Variants in GLRA3 observed in about 807,000 individuals in gnomAD.
GLRA3 encodes the protein glycine receptor alpha 3, also known as glycine receptor subunit alpha-3.
In GLRA3, 44 loss-of-function variants were observed where a neutral mutation model predicts 60.4. The ratio of observed to expected loss-of-function variants is 0.73; its 90% CI spans 0.57 to 0.94. The LOEUF (loss-of-function observed/expected upper bound fraction) is 0.94. Ranked by LOEUF, GLRA3 falls within the 40% of genes least tolerant of loss-of-function variation. The pLI, the probability that GLRA3 is intolerant of heterozygous loss-of-function variation, is 0.00. For synonymous variants in GLRA3, 223 were observed against 192.9 expected, an observed-to-expected ratio of 1.16 and a Z score of -1.29; for missense variants, 508 against 564.6, an observed-to-expected ratio of 0.90 and a Z score of 1.02.
At chr4:174,733,835 T>G (rs1258726906) in intron 3 of GLRA3, among the ~76,000 whole-genome samples, 1 of 152,200 alleles carries the variant, frequency 6.6e-6, no homozygotes, top group Non-Finnish European at 1.5e-5. Context: ...ACTGTGTTTT[T>G]TCCTGAGTCT....
chr4:174,825,297 G>A (rs1216487737), intron 1 of GLRA3, among the ~76,000 whole-genome samples: 1 of 151,894 alleles, frequency 6.6e-6, no homozygotes, highest in Non-Finnish European at 1.5e-5. Context: ...ACATTAAAAA[G>A]GATTCCTCTC....
chr4:174,698,126 A>T (rs1253786522), intron 5 of GLRA3, among the ~76,000 whole-genome samples: 3 of 152,154 alleles, frequency 2.0e-5, no homozygotes, highest in African/African-American at 7.2e-5. Context: ...AAGTTGTGTA[A>T]TGTTTTGAAT....
At chr4:174,700,929 CA>C (rs1198187842) in intron 5 of GLRA3, among the ~76,000 whole-genome samples, 2 of 152,130 alleles carry the variant, frequency 1.3e-5, no homozygotes, top group African/African-American at 4.8e-5. Context: ...GAGGATTAAG[CA>C]AAGAAGCCCT....
At chr4:174,763,644 G>C (rs139965806) in intron 3 of GLRA3, among the ~76,000 whole-genome samples, 67 of 152,212 alleles carry the variant, frequency 4.4e-4, no homozygotes, top group Admixed American at 9.8e-4. Context: ...TCATAGGTTT[G>C]CAGGAGCACA....
chr4:174,643,976 C>A lies in GLRA3; in HGVS notation c.1205G>T (p.Gly402Val), dbSNP rs768235434. The A allele has an allele frequency of 1.1e-5, 18 of 1,613,732 alleles. 1 individual carries two copies. In the South Asian group the frequency reaches 2.0e-4, roughly 18 times the overall value. The change falls in exon 10 of 10, where the codon GGC becomes GTC. Residue 402 changes from glycine to valine, a missense_variant. Physicochemically the swap from Gly to Val is moderately radical, Grantham distance 109 (BLOSUM62 -3). Around this residue, in one of 3 missense-constraint regions of GLRA3, gnomAD observed 176 missense variants for 197.9 expected, o/e 0.89. Transcript: ENST00000274093. Reference protein sequence around the residue: ...LQAKDGMTPKGPNHPVQVMPK... With the variant: ...LQAKDGMTPKVPNHPVQVMPK... ...CATTACCTGGACAGGGTGGTTGGGG[C>A]CCTTTGGAGTCATGCCATCCTTTGC...
intron 1 of GLRA3, among the ~76,000 whole-genome samples, chr4:174,799,773 G>T (rs1739734193): frequency 6.6e-6 from 1 of 152,010 alleles, no homozygotes; most frequent in South Asian, 2.1e-4. Flanking sequence ...CATCATTTTG[G>T]GAGGAAGAAT....
chr4:174,730,295 T>C (rs150652776), intron 3 of GLRA3, among the ~76,000 whole-genome samples: 230 of 152,256 alleles, frequency 1.5e-3, no homozygotes, highest in Middle Eastern at 0.01. Context: ...CAGTTCTTGT[T>C]TCCTTCGCCA....
Position 174,718,384 on chromosome 4 carries a change from A to T in GLRA3, c.492-2814T>A, listed in dbSNP as rs377258751. ...AAGTTCTCTTTCTGAGACAAGATAC[A>T]TAAACAGGATATGGCGTTTCTTCTT... On this transcript the variant is annotated intron_variant, in intron 4 of 9. Transcript: ENST00000274093. 1.3e-3 allele frequency among the ~76,000 whole-genome samples: 199 copies of T among 152,372 alleles called. 6 individuals are homozygous for T. The South Asian group carries it at 0.04, about 31-fold the overall frequency.
chr4:174,770,822 A>G (rs967496744), intron 2 of GLRA3, among the ~76,000 whole-genome samples: 1 of 151,908 alleles, frequency 6.6e-6, no homozygotes, highest in Non-Finnish European at 1.5e-5. Flanking sequence ...ATGTGCCACT[A>G]TGTGGGAGAG....
At chr4:174,748,208 G>T (rs1433998663) in intron 3 of GLRA3, among the ~76,000 whole-genome samples, 1 of 152,158 alleles carries the variant, frequency 6.6e-6, no homozygotes. Context: ...ACCAGAGATG[G>T]TTGAATTAGA....
intron 7 of GLRA3, among the ~76,000 whole-genome samples, chr4:174,662,858 G>C (rs1425945626): frequency 9.7e-6 from 1 of 102,974 alleles, no homozygotes; most frequent in Admixed American, 1.1e-4. Flanking sequence ...TTTCCTGTTT[G>C]TAATGTGAAC....
Position 174,767,039 on chromosome 4 carries a change from G to T in GLRA3, c.200-9C>A, listed in dbSNP as rs750004341. 1 of 1,552,418 alleles carries T rather than the reference G, an allele frequency of 6.4e-7. No homozygotes were observed. On this transcript the variant is annotated splice_polypyrimidine_tract_variant and intron_variant, in intron 2 of 9. Coordinates refer to ENST00000274093, the MANE Select transcript of GLRA3 (RefSeq NM_006529.4). Reference sequence around the variant, plus strand: ...GACATTAACTGGAGGGCCTGAAAAAGAGATGAAAACATAAGGGCTGTTTAG... The same window carrying T: ...GACATTAACTGGAGGGCCTGAAAAATAGATGAAAACATAAGGGCTGTTTAG...
chr4:174,665,237 C>CTTTTTTTTTT (rs34499494), intron 7 of GLRA3, among the ~76,000 whole-genome samples: 9 of 127,464 alleles, frequency 7.1e-5, no homozygotes, highest in African/African-American at 9.0e-5. Flanking sequence ...TTTGTATTTA[C>CTTTTTTTTTT]TTTTTTTTTT....
intron 7 of GLRA3, among the ~76,000 whole-genome samples, chr4:174,670,407 G>A (rs1024132402): frequency 1.3e-5 from 2 of 151,998 alleles, no homozygotes; most frequent in African/African-American, 4.8e-5. Flanking sequence ...TCTGATTTTG[G>A]GGCAAAGTGC....
chr4:174,648,545 A>G (rs1431543791), intron 9 of GLRA3, among the ~76,000 whole-genome samples: 1 of 152,168 alleles, frequency 6.6e-6, no homozygotes, highest in Non-Finnish European at 1.5e-5. Context: ...TAACACCTCT[A>G]CAGAAGAGTA....
At chr4:174,652,086 TTA>T (rs1733041313) in intron 9 of GLRA3, among the ~76,000 whole-genome samples, 1 of 152,112 alleles carries the variant, frequency 6.6e-6, no homozygotes, top group Non-Finnish European at 1.5e-5. Context: ...CTTATTATTA[TTA>T]TTAGATTACT....
chr4:174,711,376 C>A (rs1460139778), intron 5 of GLRA3, among the ~76,000 whole-genome samples: 1 of 150,056 alleles, frequency 6.7e-6, no homozygotes, highest in African/African-American at 2.4e-5. Flanking sequence ...GTTCATCCTG[C>A]TTTTGCTTAT....
intron 3 of GLRA3, among the ~76,000 whole-genome samples, chr4:174,757,556 C>T (rs1299314623): frequency 6.6e-6 from 1 of 152,090 alleles, no homozygotes; most frequent in African/African-American, 2.4e-5. Flanking sequence ...GAATAAACTC[C>T]CAGTGGCCAA....
At chr4:174,814,465 TTCTGCCAC>T (rs1346920736) in intron 1 of GLRA3, among the ~76,000 whole-genome samples, 3 of 152,302 alleles carry the variant, frequency 2.0e-5, no homozygotes, top group Non-Finnish European at 2.9e-5. Context: ...CTCTCTCTTT[TTCTGCCAC>T]TCTGCCACTC....
Sources: gnomAD v4.1 joint callset for allele counts (sites outside exome capture counted in the v4.1 genomes callset) on GRCh38, gnomAD v4.1.1 for gene constraint, gnomAD v4.1.1 regional missense constraint, MANE v1.5 for transcripts, NCBI Gene and HGNC (gene_info 2026-07-23, HGNC 2026-07-21) for gene names.